WWP2: variants seen among roughly 807,000 people sequenced by gnomAD.
WWP2 encodes WW domain containing E3 ubiquitin protein ligase 2, also known as NEDD4-like E3 ubiquitin-protein ligase WWP2.
Under a neutral mutation model 121.0 loss-of-function variants are expected in WWP2, and 57 were observed. The ratio of observed to expected loss-of-function variants is 0.47; its 90% CI spans 0.38 to 0.59. The LOEUF is 0.59. Among genes scored for constraint, WWP2 ranks in the 20% least tolerant of loss-of-function variants. The probability of loss-of-function intolerance (pLI) is 0.00; values close to 1 mark genes in which losing one functional copy is unlikely to be tolerated. For missense variants in WWP2, 962 were observed against 1,158.9 expected, an observed-to-expected ratio of 0.83 and a Z score of 2.47; for synonymous variants, 449 against 441.3, an observed-to-expected ratio of 1.02 and a Z score of -0.22.
Position 69,937,579 on chromosome 16 carries a change from T to C in WWP2, c.2270T>C (p.Met757Thr), listed in dbSNP as rs776450176. The change falls in exon 21 of 24, where the codon ATG becomes ACG. Residue 757 changes from methionine (M) to threonine (T), a missense_variant. Physicochemically the swap from Met to Thr is moderately conservative, Grantham distance 81. This residue lies in a region of WWP2 where 606 missense variants were observed against 772.6 expected (regional missense o/e 0.78). Transcript: ENST00000359154. The surrounding 1 kb of genome is among the most constrained non-coding windows in gnomAD (Gnocchi z 6.6). ...CTGTGCGGCATGCAGGAGATAGACA[T>C]GAGCGACTGGCAGAAGAGCACCATC... ...LMLCGMQEID[M>T]SDWQKSTIYR... 9.3e-6 allele frequency: 15 copies of C among 1,613,568 alleles called. No homozygotes were observed. The East Asian group carries it at 2.9e-4, about 31-fold the overall frequency.
intron 17 of WWP2, 149 bp downstream of exon 17, chr16:69,934,278 T>G (rs1261854454): frequency 2.8e-6 from 3 of 1,060,130 alleles, no homozygotes; most frequent in Admixed American, 2.7e-5. Flanking sequence ...CTGGGCCTGT[T>G]CACCAGGAGG....
At chr16:69,904,894 G>A (rs772674509) in intron 8 of WWP2, among the ~76,000 whole-genome samples, 2 of 152,194 alleles carry the variant, frequency 1.3e-5, no homozygotes, top group African/African-American at 2.4e-5. Context: ...TAAGCAAGAG[G>A]CCGTTAGCCT....
intron 6 of WWP2, 96 bp downstream of exon 6, chr16:69,842,216 C>T (rs991952736): frequency 3.2e-5 from 38 of 1,206,130 alleles, no homozygotes; most frequent in Middle Eastern, 1.9e-4. Flanking sequence ...ATGGTAGAAA[C>T]TGTTGGAGAT....
chr16:69,909,412 T>G, intron 9 of WWP2: 5 of 985,712 alleles, frequency 5.1e-6, no homozygotes, highest in Non-Finnish European at 6.0e-6. Flanking sequence ...TGCCCTGAGT[T>G]TGTGGAGGGA....
At chr16:69,765,869 C>T (rs1281700560) in intron 1 of WWP2, among the ~76,000 whole-genome samples, 1 of 152,030 alleles carries the variant, frequency 6.6e-6, no homozygotes, top group Non-Finnish European at 1.5e-5. Context: ...CTCACTTTTG[C>T]CCAGGCTGGT....
Position 69,937,094 on chromosome 16 carries a change from C to A in WWP2, c.2118-24C>A. 1 of 1,612,786 alleles carries A rather than the reference C, an allele frequency of 6.2e-7. No homozygotes were observed. Among genetic ancestry groups the A allele is most frequent in the Non-Finnish European group, 8.5e-7 (1 of 1,179,334 alleles). ...CCTGAGCAGTGGGTCTCAGACTCCA[C>A]CCATGGCTGCTCTTTGGTCTCAGGC... On this transcript the variant is annotated intron_variant, in intron 19 of 23. Transcript: ENST00000359154. The surrounding 1 kb of genome is among the most constrained non-coding windows in gnomAD (Gnocchi z 6.6).
intron 7 of WWP2, among the ~76,000 whole-genome samples, chr16:69,876,940 T>C (rs553905920): frequency 2.0e-5 from 3 of 152,204 alleles, no homozygotes; most frequent in Admixed American, 1.3e-4. Flanking sequence ...TGTTGCTCCA[T>C]TTATAAAACA....
In WWP2 at chr16:69,762,394, A is replaced by G. The variant is rs2038625579; in HGVS notation, c.-16+3A>G. ...CGCCGCTTCTGTGGCCACGGCAGGT[A>G]GCGAGCGCTGGCGCGGGGGGCGCGG... On this transcript the variant is annotated splice_donor_region_variant and intron_variant, in intron 1 of 23. Coordinates refer to ENST00000359154, the MANE Select transcript of WWP2 (RefSeq NM_001270454.2). 6.7e-6 allele frequency: 1 copy of G among 149,762 alleles called. No individual in the cohort carries two copies. Among genetic ancestry groups the G allele is most frequent in the African/African-American group, 2.4e-5 (1 of 40,824 alleles). The allele number at this position is 149,762 out of a possible 1,614,324, so 9.3% of individuals were successfully genotyped here.
At chr16:69,889,844 A>G (rs1280569798) in intron 8 of WWP2, among the ~76,000 whole-genome samples, 2 of 152,222 alleles carry the variant, frequency 1.3e-5, no homozygotes, top group Non-Finnish European at 2.9e-5. Context: ...GTTGTGATTC[A>G]TAAAGGAAAA....
chr16:69,870,727 G>A (rs758611900), intron 6 of WWP2, among the ~76,000 whole-genome samples: 1 of 152,214 alleles, frequency 6.6e-6, no homozygotes, highest in Non-Finnish European at 1.5e-5. Flanking sequence ...ACATCTCACA[G>A]TTGCAAAGTA....
At chr16:69,881,234 C>T (rs79740125) in intron 7 of WWP2, among the ~76,000 whole-genome samples, 57 of 152,296 alleles carry the variant, frequency 3.7e-4, no homozygotes, top group Non-Finnish European at 5.7e-4. Flanking sequence ...AAGCTGTCTT[C>T]GCTCCCCACG....
chr16:69,888,144 C>G lies in WWP2; in HGVS notation c.809C>G (p.Thr270Ser). The part of the protein sequence containing the change: ...PLSVTPNPNT[T>S]SLPAPATPAE... ...AGTGTGACCCCGAATCCCAACACGA[C>G]TTCTCTCCCTGCCCCAGCCACACCG... The change falls in exon 8 of 24, where the codon ACT becomes AGT. Residue 270 changes from threonine to serine, a missense_variant. Transcript: ENST00000359154. 6.2e-7 allele frequency: 1 copy of G among 1,614,230 alleles called. No individual in the cohort carries two copies. Among genetic ancestry groups the G allele is most frequent in the Non-Finnish European group, 8.5e-7 (1 of 1,180,044 alleles).
At chr16:69,917,505 T>TC (rs549806057) in intron 9 of WWP2, 32 of 509,108 alleles carry the variant, frequency 6.3e-5, no homozygotes, top group Non-Finnish European at 1.0e-4. Context: ...ACCACATGGA[T>TC]CCCCAAATTA....
intron 8 of WWP2, among the ~76,000 whole-genome samples, chr16:69,903,965 A>C (rs1321703067): frequency 1.3e-5 from 2 of 152,188 alleles, no homozygotes; most frequent in African/African-American, 2.4e-5. Flanking sequence ...TTTTCAAGGA[A>C]GGGAAGGATG....
At chr16:69,901,851 T>C (rs2058211091) in intron 8 of WWP2, among the ~76,000 whole-genome samples, 1 of 152,176 alleles carries the variant, frequency 6.6e-6, no homozygotes, top group Admixed American at 6.5e-5. Flanking sequence ...CTCGGGAGGC[T>C]GAGGCAGGAG....
At chr16:69,830,095 C>T (rs185400071) in intron 4 of WWP2, among the ~76,000 whole-genome samples, 6 of 152,254 alleles carry the variant, frequency 3.9e-5, no homozygotes, top group Non-Finnish European at 7.3e-5. Context: ...GCTGGGATTA[C>T]AGGCACATGC....
At chr16:69,853,407 G>A (rs9922603) in intron 6 of WWP2, among the ~76,000 whole-genome samples, 2 of 152,160 alleles carry the variant, frequency 1.3e-5, no homozygotes, top group Non-Finnish European at 2.9e-5. Context: ...CATGGTGTCT[G>A]CTGGAGCCCC....
intron 4 of WWP2, among the ~76,000 whole-genome samples, chr16:69,806,965 CATT>C (rs913188338): frequency 7.3e-6 from 1 of 137,872 alleles, no homozygotes; most frequent in African/African-American, 3.3e-5. Context: ...TTCATTCATT[CATT>C]CATTCATTCA....
At chr16:69,825,688 C>T (rs2056674624) in intron 4 of WWP2, among the ~76,000 whole-genome samples, 1 of 144,596 alleles carries the variant, frequency 6.9e-6, no homozygotes, top group African/African-American at 2.6e-5. Flanking sequence ...TGTAGTGGTG[C>T]GATCACAGCT....
Sources: gnomAD v4.1 joint callset for allele counts (sites outside exome capture counted in the v4.1 genomes callset) on GRCh38, gnomAD v4.1.1 for gene constraint, gnomAD v4.1.1 regional missense constraint, Gnocchi (gnomAD v3.1) non-coding constraint, MANE v1.5 for transcripts, NCBI Gene and HGNC (gene_info 2026-07-23, HGNC 2026-07-21) for gene names.